The following CEP164 variants were observed in gnomAD, a reference collection of about 807,000 sequenced individuals.
CEP164 encodes the protein centrosomal protein 164.
A neutral mutation model predicts 182.7 loss-of-function variants in CEP164; 162 were observed. That is an observed-to-expected ratio of 0.89 (90% CI 0.78 to 1.01). The LOEUF is 1.01. Among genes scored for constraint, CEP164 ranks in the 50% least tolerant of loss-of-function variants. The probability of loss-of-function intolerance (pLI) is 0.00; values close to 1 mark genes in which losing one functional copy is unlikely to be tolerated. For synonymous variants in CEP164, 661 were observed against 690.0 expected, an observed-to-expected ratio of 0.96 and a Z score of 0.66; for missense variants, 1,735 against 1,790.4, an observed-to-expected ratio of 0.97 and a Z score of 0.56.
At chr11:117,339,338 G>A (rs1270151816) in intron 3 of CEP164, among the ~76,000 whole-genome samples, 1 of 151,834 alleles carries the variant, frequency 6.6e-6, no homozygotes, top group African/African-American at 2.4e-5. Flanking sequence ...CATAGTAGGG[G>A]GTATCTAAAT....
chr11:117,377,083 G>T (rs1441864165), intron 11 of CEP164, among the ~76,000 whole-genome samples: 1 of 152,194 alleles, frequency 6.6e-6, no homozygotes, highest in Non-Finnish European at 1.5e-5. Context: ...TGGTTCTCAC[G>T]AAGTGCAGCC....
At chr11:117,360,513 G>C (rs1056848877) in intron 5 of CEP164, among the ~76,000 whole-genome samples, 1 of 152,038 alleles carries the variant, frequency 6.6e-6, no homozygotes, top group African/African-American at 2.4e-5. Flanking sequence ...TGCGACTACA[G>C]GTGCATGCTA....
chr11:117,355,556 G>T, intron 5 of CEP164: 13 of 1,250,182 alleles, frequency 1.0e-5, no homozygotes, highest in Non-Finnish European at 1.3e-5. Context: ...ATCCCCTGAG[G>T]AGGAGCCCTC....
At chr11:117,322,690 A>G (rs2035292576) in intron 1 of CEP164, among the ~76,000 whole-genome samples, 1 of 147,472 alleles carries the variant, frequency 6.8e-6, no homozygotes, top group Non-Finnish European at 1.5e-5. Flanking sequence ...CAAGTAGCTG[A>G]GATTATAGGC....
chr11:117,380,897 T>G (rs2043244507), intron 12 of CEP164, among the ~76,000 whole-genome samples, 192 bp downstream of exon 12: 1 of 152,354 alleles, frequency 6.6e-6, no homozygotes, highest in East Asian at 1.9e-4. Context: ...GTGTGTGTAC[T>G]GGCAATGTGT....
chr11:117,393,786 G>A (rs1401013869), intron 20 of CEP164, among the ~76,000 whole-genome samples: 2 of 152,226 alleles, frequency 1.3e-5, no homozygotes, highest in East Asian at 3.8e-4. Context: ...TCTTAAGGTA[G>A]GAAAGTTCAG....
chr11:117,331,099 G>A (rs971553141), intron 1 of CEP164, among the ~76,000 whole-genome samples: 1 of 152,212 alleles, frequency 6.6e-6, no homozygotes, highest in Non-Finnish European at 1.5e-5. Context: ...AATATACAGA[G>A]AACCCTCATT....
At chr11:117,333,744 C>T (rs1440478575) in intron 1 of CEP164, among the ~76,000 whole-genome samples, 1 of 152,086 alleles carries the variant, frequency 6.6e-6, no homozygotes, top group African/African-American at 2.4e-5. Flanking sequence ...TTATGTTGCT[C>T]ACGGTGGTCT....
At chr11:117,382,581 C>G (rs1276055551) in intron 13 of CEP164, among the ~76,000 whole-genome samples, 5 of 152,150 alleles carry the variant, frequency 3.3e-5, no homozygotes, top group Non-Finnish European at 7.4e-5. Context: ...CCATAACCAT[C>G]TTGCTTCCAT....
At chr11:117,404,860 A>G (rs766699096) in intron 27 of CEP164, among the ~76,000 whole-genome samples, 14 of 152,196 alleles carry the variant, frequency 9.2e-5, no homozygotes, top group Non-Finnish European at 1.8e-4. Context: ...ACCACTGAGG[A>G]GGAATCTAGA....
intron 2 of CEP164, chr11:117,336,533 GA>G: frequency 6.5e-7 from 1 of 1,529,778 alleles, no homozygotes; most frequent in South Asian, 1.2e-5. Context: ...GGAAAGGGTG[GA>G]TTGATAGGTG....
At chr11:117,369,503 C>G (rs1385296519) in intron 8 of CEP164, among the ~76,000 whole-genome samples, 3 of 152,196 alleles carry the variant, frequency 2.0e-5, no homozygotes, top group African/African-American at 7.2e-5. Flanking sequence ...TGTCAGTGGG[C>G]TCTCAGGCTT....
intron 27 of CEP164, among the ~76,000 whole-genome samples, chr11:117,399,082 C>T (rs2045854651): frequency 6.6e-6 from 1 of 152,088 alleles, no homozygotes; most frequent in Admixed American, 6.5e-5. Flanking sequence ...GTTTGCTGCA[C>T]CCAACAACCG....
intron 3 of CEP164, among the ~76,000 whole-genome samples, chr11:117,342,841 T>A (rs612693): frequency 6.6e-6 from 1 of 152,164 alleles, no homozygotes; most frequent in Non-Finnish European, 1.5e-5. Context: ...AAGAGCTTTT[T>A]GAAATTCTTG....
Position 117,397,773 on chromosome 11 carries a change from T to C in CEP164, c.3501+460T>C, listed in dbSNP as rs117361637. 9.0e-3 allele frequency among the ~76,000 whole-genome samples: 1,370 copies of C among 152,294 alleles called. 14 individuals are homozygous for C. Among genetic ancestry groups the C allele is most frequent in the Non-Finnish European group, 0.014 (954 of 68,024 alleles). On this transcript the variant is annotated intron_variant, in intron 27 of 32. Transcript: ENST00000278935. ...GTATGGGGGAAATGGCCCCTGTGATTCAAATTATCTCCCACCAGGTCCCTC... is the reference window on the plus strand; with the variant it reads ...GTATGGGGGAAATGGCCCCTGTGATCCAAATTATCTCCCACCAGGTCCCTC...
chr11:117,397,351 G>A (rs761056979), intron 27 of CEP164, 38 bp downstream of exon 27: 2 of 1,567,228 alleles, frequency 1.3e-6, no homozygotes, highest in Non-Finnish European at 1.7e-6. Flanking sequence ...GCCCTGTGTG[G>A]GGGAGGCGGG....
At chr11:117,358,133 A>G (rs17591711) in intron 5 of CEP164, among the ~76,000 whole-genome samples, 8,391 of 152,278 alleles carry the variant, frequency 0.055, 293 homozygotes, top group East Asian at 0.091. Flanking sequence ...CACTATAAAT[A>G]TCGGATAAGC....
intron 2 of CEP164, chr11:117,336,121 C>A (rs1378806784): frequency 6.5e-6 from 10 of 1,537,836 alleles, no homozygotes; most frequent in South Asian, 5.8e-5. Context: ...GGGCTACTTT[C>A]CCCCAGTACA....
intron 18 of CEP164, 90 bp downstream of exon 18, chr11:117,392,393 G>A (rs934620693): frequency 1.3e-6 from 2 of 1,562,480 alleles, no homozygotes; most frequent in Admixed American, 1.8e-5. Context: ...TCTCTCTCCA[G>A]CCCTGGGGGA....
Sources: allele counts gnomAD v4.1 joint callset (sites outside exome capture counted in the v4.1 genomes callset), GRCh38; gene constraint gnomAD v4.1.1; transcripts MANE v1.5; gene names NCBI Gene and HGNC (gene_info 2026-07-23, HGNC 2026-07-21).